Variants in CSNK1A1 observed in about 807,000 individuals in gnomAD.
CSNK1A1 encodes the protein casein kinase I isoform alpha.
CSNK1A1 carries 7 observed loss-of-function variants against 46.1 expected under a neutral mutation model. The ratio of observed to expected loss-of-function variants is 0.15; its 90% CI spans 0.09 to 0.29. The LOEUF (loss-of-function observed/expected upper bound fraction) is 0.29. Ranked by LOEUF, CSNK1A1 falls within the 10% of genes least tolerant of loss-of-function variation. The pLI, the probability that CSNK1A1 is intolerant of heterozygous loss-of-function variation, is 1.00. For synonymous variants in CSNK1A1, 137 were observed against 141.5 expected (o/e 0.97, Z 0.23); for missense variants, 96 against 417.1 (o/e 0.23, Z 6.71).
At chr5:149,546,928 G>A (rs998280992) in intron 2 of CSNK1A1, among the ~76,000 whole-genome samples, 3 of 151,818 alleles carry the variant, frequency 2.0e-5, no homozygotes, top group Admixed American at 2.0e-4. Flanking sequence ...AATAAAGAAT[G>A]TTTACATAAA....
At position 149,505,523 on chromosome 5, in the gene CSNK1A1, G is replaced by C. The variant is rs1760994305; in HGVS notation, c.930C>G (p.Ala310=). 5 of 1,614,000 alleles carry C rather than the reference G, an allele frequency of 3.1e-6. No homozygotes were observed. Among genetic ancestry groups the C allele is most frequent in the Non-Finnish European group, 3.4e-6 (4 of 1,180,028 alleles). ...CCTGCTGACCCTGCCCACTGGAAGA[G>C]GCTGCCTGCTGTGCTGCTTTCTGCT... ...MLKQKAAQQA[A]SSSGQGQQAQ... Residue 310 remains alanine (A), a synonymous_variant, in exon 9 of 10, where the codon GCC becomes GCG. Transcript: ENST00000377843.
At chr5:149,521,273 T>C (rs1246258956) in intron 3 of CSNK1A1, among the ~76,000 whole-genome samples, 1 of 146,744 alleles carries the variant, frequency 6.8e-6, no homozygotes, top group Admixed American at 6.8e-5. Flanking sequence ...TACTCTTCTT[T>C]TTTTTTTTTT....
intron 2 of CSNK1A1, chr5:149,545,622 G>A (rs1762455496): frequency 4.6e-6 from 4 of 867,736 alleles, no homozygotes; most frequent in East Asian, 2.8e-5. Flanking sequence ...TGGGCTTTAC[G>A]AGGGCCCTGC....
chr5:149,512,117 C>T (rs1321810818), intron 5 of CSNK1A1, among the ~76,000 whole-genome samples: 1 of 151,686 alleles, frequency 6.6e-6, no homozygotes, highest in East Asian at 1.9e-4. Context: ...TTTAAAAGAA[C>T]AGAAACGATT....
chr5:149,550,235 C>A lies in CSNK1A1; in HGVS notation c.124-54G>T. Reference sequence around the variant, plus strand: ...CAACATCCCTACGGATTCAATGTCACTTAGGAAAGGAGGGAGACATTAGCA... The same window carrying A: ...CAACATCCCTACGGATTCAATGTCAATTAGGAAAGGAGGGAGACATTAGCA... On this transcript the variant is annotated intron_variant, in intron 1 of 9. Transcript: ENST00000377843. The surrounding 1 kb of genome is among the most constrained non-coding windows in gnomAD (Gnocchi z 4.3). 6.3e-7 allele frequency: 1 copy of A among 1,594,048 alleles called. No homozygotes were observed.
intron 2 of CSNK1A1, among the ~76,000 whole-genome samples, chr5:149,532,089 G>C (rs1358855395): frequency 6.6e-6 from 1 of 151,996 alleles, no homozygotes; most frequent in Non-Finnish European, 1.5e-5. Context: ...ATGTTGGCCA[G>C]GCTGATTTTG....
chr5:149,537,672 G>A (rs1762102139), intron 2 of CSNK1A1, among the ~76,000 whole-genome samples: 1 of 151,062 alleles, frequency 6.6e-6, no homozygotes, highest in Admixed American at 6.6e-5. Flanking sequence ...GTAGAGCAGT[G>A]TAACCTGAAT....
intron 2 of CSNK1A1, chr5:149,529,858 T>TAGGAA (rs1381895445): frequency 2.5e-6 from 1 of 395,504 alleles, no homozygotes; most frequent in African/African-American, 2.1e-5. Flanking sequence ...GGTTACCAAT[T>TAGGAA]AGGAAGTGTT....
At chr5:149,508,387 TCAC>T (rs1294425883) in intron 7 of CSNK1A1, among the ~76,000 whole-genome samples, 2 of 152,046 alleles carry the variant, frequency 1.3e-5, no homozygotes, top group Non-Finnish European at 2.9e-5. Flanking sequence ...GAAAACAATC[TCAC>T]CACTTTATAA....
intron 2 of CSNK1A1, chr5:149,529,782 T>G (rs1218623176): frequency 1.1e-5 from 5 of 455,902 alleles, no homozygotes; most frequent in Non-Finnish European, 2.2e-5. Flanking sequence ...AAATCAGTAA[T>G]TATTAGCCTT....
intron 2 of CSNK1A1, among the ~76,000 whole-genome samples, chr5:149,527,620 A>G (rs1761761762): frequency 6.6e-6 from 1 of 152,212 alleles, no homozygotes; most frequent in Admixed American, 6.5e-5. Flanking sequence ...GATAAAGCAA[A>G]TAAGCTGGGT....
intron 2 of CSNK1A1, among the ~76,000 whole-genome samples, chr5:149,539,949 T>C (rs1186364985): frequency 1.3e-5 from 2 of 152,208 alleles, no homozygotes; most frequent in African/African-American, 2.4e-5. Context: ...ACTCTTTTTG[T>C]TGCATGCAGA....
At chr5:149,504,278 G>C (rs1051722394) in intron 9 of CSNK1A1, 1 of 985,314 alleles carries the variant, frequency 1.0e-6, no homozygotes, top group East Asian at 1.1e-4. Flanking sequence ...ATTCCTAACA[G>C]ATGAGCTGCT....
At chr5:149,544,298 A>G (rs1418051068) in intron 2 of CSNK1A1, among the ~76,000 whole-genome samples, 2 of 152,160 alleles carry the variant, frequency 1.3e-5, no homozygotes, top group African/African-American at 2.4e-5. Flanking sequence ...GACCCAGTCA[A>G]TATCACATGG....
At chr5:149,534,482 CAAAAAAAAAAAAAAA>C (rs10597922) in intron 2 of CSNK1A1, among the ~76,000 whole-genome samples, 9 of 94,978 alleles carry the variant, frequency 9.5e-5, no homozygotes, top group Admixed American at 4.3e-4. Flanking sequence ...GACTCTGTCT[CAAAAAAAAAAAAAAA>C]AAAAAAAAAA....
At chr5:149,507,390 C>T (rs927491052) in intron 7 of CSNK1A1, among the ~76,000 whole-genome samples, 1 of 151,914 alleles carries the variant, frequency 6.6e-6, no homozygotes, top group Admixed American at 6.6e-5. Context: ...CTATACAGTA[C>T]TATGTTCTTA....
intron 9 of CSNK1A1, chr5:149,504,205 AT>A: frequency 2.0e-6 from 2 of 985,486 alleles, no homozygotes; most frequent in Non-Finnish European, 2.4e-6. Flanking sequence ...CCCAACGACA[AT>A]AAACCTTCAA....
Position 149,503,355 on chromosome 5 carries a change from A to G in CSNK1A1, c.1006+2092T>C, listed in dbSNP as rs891052588. On this transcript the variant is annotated intron_variant, in intron 9 of 9. Coordinates refer to ENST00000377843, the MANE Select transcript of CSNK1A1 (RefSeq NM_001892.6). ...TTGAGCACAAAGTTTTGTATTAAAA[A>G]AGAAAAACAGATGTTTTCAAGATGT... 5 of 985,372 alleles carry G rather than the reference A, an allele frequency of 5.1e-6. No individual in the cohort carries two copies. In the East Asian group the frequency reaches 4.5e-4, roughly 89 times the overall value. The allele number at this position is 985,372 out of a possible 1,614,324, so 61.0% of individuals were successfully genotyped here.
chr5:149,533,580 C>A (rs1236225105), intron 2 of CSNK1A1, among the ~76,000 whole-genome samples: 1 of 151,918 alleles, frequency 6.6e-6, no homozygotes, highest in East Asian at 1.9e-4. Flanking sequence ...ATCTTACTCT[C>A]ATTTTTTCTT....
Sources: gnomAD v4.1 joint callset for allele counts (sites outside exome capture counted in the v4.1 genomes callset) on GRCh38, gnomAD v4.1.1 for gene constraint, Gnocchi (gnomAD v3.1) non-coding constraint, MANE v1.5 for transcripts, NCBI Gene and HGNC (gene_info 2026-07-23, HGNC 2026-07-21) for gene names.